Variants in EPHA8 observed in about 807,000 individuals in gnomAD.
The protein encoded by EPHA8 is ephrin type-A receptor 8.
In EPHA8, 58 loss-of-function variants were observed where a neutral mutation model predicts 103.6. The observed-to-expected ratio is 0.56, with a 90% CI of 0.45 to 0.70. The LOEUF (loss-of-function observed/expected upper bound fraction) is 0.70, where lower values mean the gene tolerates loss of function less well. EPHA8 is among the 30% of genes least tolerant of loss of function. The probability of loss-of-function intolerance (pLI) is 0.00; values close to 1 mark genes in which losing one functional copy is unlikely to be tolerated. For missense variants in EPHA8, 1,304 were observed against 1,395.2 expected (o/e 0.93, Z 1.04); for synonymous variants, 559 against 572.5 (o/e 0.98, Z 0.34).
At chr1:22,594,357 C>CA (rs1557577447) in intron 7 of EPHA8, among the ~76,000 whole-genome samples, 2 of 152,260 alleles carry the variant, frequency 1.3e-5, no homozygotes. Flanking sequence ...GCCCCCCACA[C>CA]ACCATGGCTG....
chr1:22,587,408 C>T (rs925456940), intron 4 of EPHA8, among the ~76,000 whole-genome samples: 5 of 152,192 alleles, frequency 3.3e-5, no homozygotes, highest in East Asian at 1.9e-4. Context: ...TGTGCGTGTG[C>T]ACACCTGGCC....
chr1:22,569,228 C>T lies in EPHA8; in HGVS notation c.95-61C>T. The T allele has an allele frequency of 1.9e-6, 3 of 1,577,090 alleles. No homozygotes were observed. Among genetic ancestry groups the T allele is most frequent in the South Asian group, 1.1e-5 (1 of 90,098 alleles). On this transcript the variant is annotated intron_variant, in intron 1 of 16. Transcript: ENST00000166244. The surrounding 1 kb of genome is among the most constrained non-coding windows in gnomAD (Gnocchi z 4.5). ...GGACCAGTGTAGCTGGGTCAGGCTG[C>T]TCTTGAGGAGCTGGGGAGAAGTCAG...
rs1182737801 is a variant in EPHA8, at chr1:22,602,625, C to G, written c.*884C>G. On this transcript the variant is annotated 3_prime_UTR_variant, in exon 17 of 17. Coordinates refer to ENST00000166244, the MANE Select transcript of EPHA8 (RefSeq NM_020526.5). ...GCCTCCTCTAGCCTCTGATGCCTTC[C>G]CTCCACGGCCCAGGTCTCCTCACTC... The G allele has an allele frequency of 6.5e-6, 1 of 152,984 alleles. No individual in the cohort carries two copies. The highest frequency in any genetic ancestry group is 6.5e-5 in the Admixed American group (1 of 15,286). 9.5% of individuals were successfully genotyped at this position (152,984 alleles called of 1,614,324 possible).
chr1:22,569,949 G>T lies in EPHA8; in HGVS notation c.159+596G>T, dbSNP rs780914381. Among the ~76,000 whole-genome samples, 7 of 152,124 alleles carry T rather than the reference G, an allele frequency of 4.6e-5. No individual in the cohort carries two copies. Among genetic ancestry groups the T allele is most frequent in the Non-Finnish European group, 8.8e-5 (6 of 68,014 alleles). On this transcript the variant is annotated intron_variant, in intron 2 of 16. Coordinates refer to ENST00000166244, the MANE Select transcript of EPHA8 (RefSeq NM_020526.5). This position sits in a 1 kb window ranked among gnomAD's most constrained non-coding sequence, Gnocchi z 4.5. The stretch of plus-strand genomic sequence containing the variant: ...AGGGCAGTAGAGTAGGAGTGAGCCC[G>T]CGAGCCTGGTGAGATCCCAGCTCTG...
rs574540304 is a variant in EPHA8 at position 22,582,877 on chromosome 1, C to T, written c.824-3603C>T. On this transcript the variant is annotated intron_variant, in intron 3 of 16. Transcript: ENST00000166244. Reference sequence around the variant, plus strand: ...TGGACGCAGAATATAAATCACCCTTCGCGGCCCTAATCATCTTTCTATAAA... The same window carrying T: ...TGGACGCAGAATATAAATCACCCTTTGCGGCCCTAATCATCTTTCTATAAA... 9.8e-5 allele frequency among the ~76,000 whole-genome samples: 15 copies of T among 152,366 alleles called. 1 individual carries two copies. The highest frequency in any genetic ancestry group is 5.9e-4 in the Admixed American group (9 of 15,304).
Position 22,597,236 on chromosome 1 carries a change from C to T in EPHA8, c.1766-76C>T. ...GACACCCCTCACCCCACCCCAGACC[C>T]ATCCCAGGCCCAGGGAATGTCAGGA... On this transcript the variant is annotated intron_variant, in intron 9 of 16. Transcript: ENST00000166244. This position sits in a 1 kb window ranked among gnomAD's most constrained non-coding sequence, Gnocchi z 4.6. The T allele has an allele frequency of 7.6e-7, 1 of 1,314,792 alleles. No individual in the cohort carries two copies. The highest frequency in any genetic ancestry group is 1.1e-6 in the Non-Finnish European group (1 of 951,784). The allele number at this position is 1,314,792 out of a possible 1,614,324, so 81.4% of individuals were successfully genotyped here.
chr1:22,581,303 A>T (rs1641039875), intron 3 of EPHA8, among the ~76,000 whole-genome samples: 1 of 152,256 alleles, frequency 6.6e-6, no homozygotes, highest in African/African-American at 2.4e-5. Context: ...AGCATAAGTC[A>T]TAACAATCTG....
intron 1 of EPHA8, among the ~76,000 whole-genome samples, chr1:22,564,982 T>C (rs1261621643): frequency 6.6e-6 from 1 of 152,026 alleles, no homozygotes. Context: ...ACACACAGGC[T>C]ACTTGGGATT....
chr1:22,585,234 TG>T (rs1641169386), intron 3 of EPHA8, among the ~76,000 whole-genome samples: 1 of 151,832 alleles, frequency 6.6e-6, no homozygotes, highest in African/African-American at 2.4e-5. Flanking sequence ...GGCCTAAGGA[TG>T]GGGGTGAGGG....
chr1:22,577,928 TGCGTGA>T (rs1640772429), intron 3 of EPHA8, among the ~76,000 whole-genome samples: 1 of 25,322 alleles, frequency 3.9e-5, no homozygotes, highest in Admixed American at 4.0e-4. Flanking sequence ...AGTGTATGTG[TGCGTGA>T]GTGTATGTGT....
rs1640461036 is a variant in EPHA8, at chr1:22,569,429, G to A, written c.159+76G>A. On this transcript the variant is annotated intron_variant, in intron 2 of 16. Coordinates refer to ENST00000166244, the MANE Select transcript of EPHA8 (RefSeq NM_020526.5). This position sits in a 1 kb window ranked among gnomAD's most constrained non-coding sequence, Gnocchi z 4.5. ...GCTGCCACTCACAGAGTCTGCATGA[G>A]ATAGATCAAAAGGAAGCAGAGGCCC... 1 of 1,464,920 alleles carries A rather than the reference G, an allele frequency of 6.8e-7. No individual in the cohort carries two copies. 90.7% of individuals were successfully genotyped at this position (1,464,920 alleles called of 1,614,324 possible).
chr1:22,585,052 C>CGCGCGCGCGCGCGT lies in EPHA8; in HGVS notation c.824-1426_824-1425insGCGCGCGCGCGTGC, dbSNP rs147149954. ...CTGTGTGTGTGTGTGTGTGTGTGTG[C>CGCGCGCGCGCGCGT]GCACGCGTGTGTCTAGAGTTCCAGA... On this transcript the variant is annotated intron_variant, in intron 3 of 16. Coordinates refer to ENST00000166244, the MANE Select transcript of EPHA8 (RefSeq NM_020526.5). Among the ~76,000 whole-genome samples the CGCGCGCGCGCGCGT allele has an allele frequency of 3.9e-3, 559 of 144,456 alleles. 2 individuals are homozygous for CGCGCGCGCGCGCGT. The highest frequency in any genetic ancestry group is 0.014 in the African/African-American group (532 of 37,098). 94.8% of individuals were successfully genotyped at this position (144,456 alleles called of 152,430 possible). A position where few individuals can be genotyped will look rare whatever the true frequency, so the allele number is the denominator to read the frequency against.
intron 4 of EPHA8, among the ~76,000 whole-genome samples, chr1:22,586,998 TAGGGCAGCA>T (rs1641231415): frequency 6.6e-6 from 1 of 152,252 alleles, no homozygotes; most frequent in Non-Finnish European, 1.5e-5. Context: ...GGGTGAGGGT[TAGGGCAGCA>T]ACCCTTCCAT....
In EPHA8 at chr1:22,597,390, C is replaced by A. The variant is rs2148265421; in HGVS notation, c.1844C>A (p.Thr615Asn). The A allele has an allele frequency of 6.2e-7, 1 of 1,613,488 alleles. No homozygotes were observed. The highest frequency in any genetic ancestry group is 1.6e-4 in the Middle Eastern group (1 of 6,062). Residue 615 changes from threonine to asparagine, a missense_variant, in exon 10 of 17, where the codon ACC becomes AAC. Coordinates refer to ENST00000166244, the MANE Select transcript of EPHA8 (RefSeq NM_020526.5). This position sits in a 1 kb window ranked among gnomAD's most constrained non-coding sequence, Gnocchi z 4.6. ...PEPQFYAEPH[T>N]YEEPGRAGRS... ...CCCCAGTTCTATGCGGAACCCCACA[C>A]CTACGAGGAGCCAGGCCGGGCGGGC...
At chr1:22,584,633 C>A (rs1641138162) in intron 3 of EPHA8, among the ~76,000 whole-genome samples, 1 of 152,110 alleles carries the variant, frequency 6.6e-6, no homozygotes, top group South Asian at 2.1e-4. Context: ...TTTTCCAGAA[C>A]AGGATTTAGT....
Position 22,597,859 on chromosome 1 carries a change from G to T in EPHA8, c.2114G>T (p.Arg705Leu), listed in dbSNP as rs140243523. 8.1e-6 allele frequency: 13 copies of T among 1,606,384 alleles called. No individual in the cohort carries two copies. Among genetic ancestry groups the T allele is most frequent in the Non-Finnish European group, 1.1e-5 (13 of 1,176,056 alleles). ...NIIRLEGVVTRGRLAMIVTEY... is the reference protein window; with the variant it reads ...NIIRLEGVVTLGRLAMIVTEY... ...ATCCGCCTCGAGGGTGTCGTCACCC[G>T]TGGTAGGTGCCGGGCAAAGACAGCC... Residue 705 changes from arginine (R) to leucine (L), a missense_variant and splice_region_variant, in exon 11 of 17, where the codon CGT becomes CTT. Coordinates refer to ENST00000166244, the MANE Select transcript of EPHA8 (RefSeq NM_020526.5). The surrounding 1 kb of genome is among the most constrained non-coding windows in gnomAD (Gnocchi z 4.6).
intron 3 of EPHA8, among the ~76,000 whole-genome samples, chr1:22,577,908 TGTGTGCGTGA>T (rs1013866955): frequency 9.0e-6 from 1 of 111,566 alleles, no homozygotes; most frequent in Admixed American, 8.3e-5. Context: ...TGTGTGTGTA[TGTGTGCGTGA>T]GTGTATGTGT....
At chr1:22,583,141 G>C (rs1641092135) in intron 3 of EPHA8, among the ~76,000 whole-genome samples, 1 of 152,198 alleles carries the variant, frequency 6.6e-6, no homozygotes, top group Non-Finnish European at 1.5e-5. Flanking sequence ...AGCCCCTCCT[G>C]GCTCGCGGCC....
At chr1:22,574,079 C>T (rs530252333) in intron 2 of EPHA8, among the ~76,000 whole-genome samples, 4 of 152,314 alleles carry the variant, frequency 2.6e-5, no homozygotes, top group African/African-American at 9.6e-5. Context: ...CCCGGGTTCA[C>T]GCCATTCTCC....
Sources: allele counts gnomAD v4.1 joint callset (sites outside exome capture counted in the v4.1 genomes callset), GRCh38; gene constraint gnomAD v4.1.1; non-coding constraint Gnocchi (gnomAD v3.1); transcripts MANE v1.5; gene names NCBI Gene and HGNC (gene_info 2026-07-23, HGNC 2026-07-21).